CERKL: variants seen among roughly 807,000 people sequenced by gnomAD.
CERKL encodes the protein ceramide kinase-like protein.
Under a neutral mutation model 63.4 loss-of-function variants are expected in CERKL, and 61 were observed. The ratio of observed to expected loss-of-function variants is 0.96; its 90% CI spans 0.78 to 1.19. The LOEUF is 1.19. Ranked by LOEUF, CERKL falls within the 50% of genes most tolerant of loss-of-function variation. CERKL has a pLI of 0.00. For missense variants in CERKL, 675 were observed against 655.5 expected (o/e 1.03, Z -0.33); for synonymous variants, 250 against 230.5 (o/e 1.08, Z -0.77).
intron 2 of CERKL, among the ~76,000 whole-genome samples, chr2:181,591,795 G>T (rs544261603): frequency 6.6e-6 from 1 of 152,038 alleles, no homozygotes; most frequent in Admixed American, 6.6e-5. Context: ...TCCTAACTCC[G>T]TCAGCTACAA....
rs551342817 is a variant in CERKL, at chr2:181,605,681, A to T, written c.239-1602T>A. ...TAGAAAAAAAATTCAGCCATCCTGC[A>T]CAGTAAAATTCACAATGTCACTCAT... On this transcript the variant is annotated intron_variant, in intron 1 of 12. Transcript: ENST00000410087. Among the ~76,000 whole-genome samples, 297 of 152,336 alleles carry T rather than the reference A, an allele frequency of 1.9e-3. 1 individual carries two copies. The highest frequency in any genetic ancestry group is 6.9e-3 in the African/African-American group (286 of 41,566).
At chr2:181,556,613 T>C (rs1214572000) in intron 5 of CERKL, among the ~76,000 whole-genome samples, 1 of 152,212 alleles carries the variant, frequency 6.6e-6, no homozygotes, top group Non-Finnish European at 1.5e-5. Flanking sequence ...ATGGTGTATA[T>C]ATGCCACATT....
At chr2:181,557,530 T>C (rs1688264647) in intron 5 of CERKL, among the ~76,000 whole-genome samples, 1 of 152,174 alleles carries the variant, frequency 6.6e-6, no homozygotes, top group South Asian at 2.1e-4. Context: ...AGCTTTTGAA[T>C]GATGTTTCCC....
In CERKL at chr2:181,547,803, G is replaced by T; in HGVS notation, c.1159+19C>A. The T allele has an allele frequency of 6.2e-7, 1 of 1,613,910 alleles. No homozygotes were observed. The highest frequency in any genetic ancestry group is 1.1e-5 in the South Asian group (1 of 91,074). The stretch of plus-strand genomic sequence containing the variant: ...AACAGAACCTGGCACAGTTCTCAAG[G>T]AGATACTTTTCGACTCACCAGATTT... On this transcript the variant is annotated intron_variant, in intron 9 of 12. Coordinates refer to ENST00000410087, the MANE Select transcript of CERKL (RefSeq NM_201548.5).
intron 5 of CERKL, among the ~76,000 whole-genome samples, chr2:181,557,966 T>C (rs1197897157): frequency 6.6e-6 from 1 of 152,182 alleles, no homozygotes; most frequent in East Asian, 1.9e-4. Context: ...ATTCACTTAA[T>C]AGGCTTCACT....
chr2:181,650,083 G>A (rs1472955933), intron 1 of CERKL: 8 of 31,982 alleles, frequency 2.5e-4, no homozygotes, highest in Admixed American at 3.8e-4. Flanking sequence ...ATACAGAAGG[G>A]AGGGAGGGAG....
intron 2 of CERKL, among the ~76,000 whole-genome samples, chr2:181,598,323 A>G (rs901270565): frequency 6.6e-6 from 1 of 152,162 alleles, no homozygotes; most frequent in African/African-American, 2.4e-5. Context: ...GCATATGCAT[A>G]ACCTACAGAC....
At chr2:181,634,454 A>G (rs1252498038) in intron 1 of CERKL, among the ~76,000 whole-genome samples, 1 of 152,182 alleles carries the variant, frequency 6.6e-6, no homozygotes, top group Non-Finnish European at 1.5e-5. Context: ...AAAGAGCATC[A>G]GTAGCAGCAG....
intron 1 of CERKL, among the ~76,000 whole-genome samples, chr2:181,606,039 A>G (rs887418967): frequency 6.6e-6 from 1 of 151,582 alleles, no homozygotes; most frequent in African/African-American, 2.4e-5. Context: ...GAAAGAGAGA[A>G]GGCAAGTAAA....
At chr2:181,568,670 CTT>C (rs55645686) in intron 3 of CERKL, among the ~76,000 whole-genome samples, 163 of 144,028 alleles carry the variant, frequency 1.1e-3, no homozygotes, top group Non-Finnish European at 1.4e-3. Context: ...GGAGTATTTT[CTT>C]TTTTTTTTTT....
chr2:181,612,623 TAA>T (rs984463294), intron 1 of CERKL, among the ~76,000 whole-genome samples: 24 of 152,234 alleles, frequency 1.6e-4, no homozygotes, highest in African/African-American at 5.8e-4. Context: ...TTAAATATTA[TAA>T]GATTAATAAT....
chr2:181,589,395 C>T (rs1684895221), intron 2 of CERKL, among the ~76,000 whole-genome samples: 1 of 152,174 alleles, frequency 6.6e-6, no homozygotes, highest in African/African-American at 2.4e-5. Context: ...TCAAAAGTTA[C>T]TTGGGTTAGC....
intron 1 of CERKL, among the ~76,000 whole-genome samples, chr2:181,608,277 T>C (rs1686171785): frequency 6.6e-6 from 1 of 152,262 alleles, no homozygotes; most frequent in African/African-American, 2.4e-5. Flanking sequence ...ATCTTGAAAT[T>C]AGTCCCTTAT....
chr2:181,644,974 A>C (rs549143419), intron 1 of CERKL, among the ~76,000 whole-genome samples: 1 of 152,300 alleles, frequency 6.6e-6, no homozygotes, highest in Non-Finnish European at 1.5e-5. Context: ...GCAGGAGCCA[A>C]GCATGGAAAT....
chr2:181,608,944 C>G (rs950841176), intron 1 of CERKL, among the ~76,000 whole-genome samples: 2 of 152,090 alleles, frequency 1.3e-5, no homozygotes, highest in African/African-American at 2.4e-5. Context: ...AAAAAATTCC[C>G]ATATCAATTA....
At chr2:181,546,269 T>C (rs1008220712) in intron 10 of CERKL, among the ~76,000 whole-genome samples, 2 of 152,170 alleles carry the variant, frequency 1.3e-5, no homozygotes, top group African/African-American at 2.4e-5. Context: ...TATGAATCGA[T>C]TGTTCCCAGA....
intron 2 of CERKL, among the ~76,000 whole-genome samples, chr2:181,578,198 GTATA>G (rs1491350298): frequency 1.3e-5 from 2 of 151,206 alleles, no homozygotes; most frequent in South Asian, 4.2e-4. Context: ...ATACACACAC[GTATA>G]TATATACACA....
At position 181,548,541 on chromosome 2, in the gene CERKL, C is replaced by G; in HGVS notation, c.1133+4G>C. 1 of 1,603,482 alleles carries G rather than the reference C, an allele frequency of 6.2e-7. No individual in the cohort carries two copies. Among genetic ancestry groups the G allele is most frequent in the Non-Finnish European group, 8.5e-7 (1 of 1,171,064 alleles). Reference sequence around the variant, plus strand: ...TATCTGTATTACATTGAGTTTTTACCTACCTTTCTTGCACATCATCAGAGC... The same window carrying G: ...TATCTGTATTACATTGAGTTTTTACGTACCTTTCTTGCACATCATCAGAGC... On this transcript the variant is annotated splice_donor_region_variant and intron_variant, in intron 8 of 12. Transcript: ENST00000410087.
At chr2:181,620,422 T>C (rs1283090589) in intron 1 of CERKL, among the ~76,000 whole-genome samples, 1 of 152,214 alleles carries the variant, frequency 6.6e-6, no homozygotes, top group Admixed American at 6.5e-5. Flanking sequence ...GTTCTGCTAC[T>C]TAGAAACACT....
Sources: gnomAD v4.1 joint callset for allele counts (sites outside exome capture counted in the v4.1 genomes callset) on GRCh38, gnomAD v4.1.1 for gene constraint, MANE v1.5 for transcripts, NCBI Gene and HGNC (gene_info 2026-07-23, HGNC 2026-07-21) for gene names.